The following IQCM variants were observed in gnomAD, a reference collection of about 807,000 sequenced individuals.
IQCM encodes IQ domain-containing protein M.
IQCM carries 45 observed loss-of-function variants against 57.6 expected under a neutral mutation model. The observed-to-expected ratio is 0.78, with a 90% CI of 0.62 to 1.00. IQCM has a LOEUF of 1.00. Among genes scored for constraint, IQCM ranks in the 50% least tolerant of loss-of-function variants. The probability of loss-of-function intolerance (pLI) is 0.00; values close to 1 mark genes in which losing one functional copy is unlikely to be tolerated. For synonymous variants in IQCM, 148 were observed against 158.9 expected (o/e 0.93, Z 0.51); for missense variants, 468 against 511.6 (o/e 0.91, Z 0.82).
chr4:149,491,217 T>A (rs1296526127), intron 12 of IQCM, among the ~76,000 whole-genome samples: 3 of 152,106 alleles, frequency 2.0e-5, no homozygotes, highest in Admixed American at 6.6e-5. Flanking sequence ...TGTTTTGAAA[T>A]ACGTATACTT....
intron 7 of IQCM, among the ~76,000 whole-genome samples, chr4:149,643,974 A>G (rs1385058100): frequency 2.0e-5 from 3 of 152,142 alleles, no homozygotes; most frequent in Non-Finnish European, 4.4e-5. Flanking sequence ...TTAGTGATAA[A>G]GTGGTCTAAA....
chr4:149,721,728 A>C (rs1765465102), intron 5 of IQCM, among the ~76,000 whole-genome samples: 1 of 152,104 alleles, frequency 6.6e-6, no homozygotes, highest in Non-Finnish European at 1.5e-5. Context: ...TATCTTCGCA[A>C]TTGTGAATTG....
intron 12 of IQCM, among the ~76,000 whole-genome samples, chr4:149,527,669 G>A (rs1029499653): frequency 1.3e-5 from 2 of 152,172 alleles, no homozygotes; most frequent in Non-Finnish European, 2.9e-5. Flanking sequence ...ATTTACACAG[G>A]AGTTAATAAG....
chr4:149,671,815 T>C (rs964657000), intron 7 of IQCM, among the ~76,000 whole-genome samples: 8 of 152,200 alleles, frequency 5.3e-5, no homozygotes, highest in Admixed American at 2.0e-4. Context: ...TCCTGAGTTC[T>C]AGTTTGATTG....
In IQCM at chr4:149,563,881, AC is replaced by A; in HGVS notation, c.758del (p.Gly253ValfsTer20). On this transcript the variant is annotated frameshift_variant, in exon 10 of 14. Coordinates refer to ENST00000636793, the MANE Select transcript of IQCM (RefSeq NM_001363507.2). LOFTEE classifies it high-confidence loss of function. ...PEPKSQPRIK[G>X]TPNKTDKLDS... ...CAAGTTTATCAGTTTTATTTGGAGT[AC>A]CTTTTATCCTAAAAATAAAACAAAT... The A allele has an allele frequency of 8.2e-7, 1 of 1,223,030 alleles. No individual in the cohort carries two copies. The highest frequency in any genetic ancestry group is 1.0e-6 in the Non-Finnish European group (1 of 979,800). 75.8% of individuals were successfully genotyped at this position (1,223,030 alleles called of 1,614,324 possible).
chr4:149,539,312 T>C (rs1381403207), intron 12 of IQCM, among the ~76,000 whole-genome samples: 4 of 152,152 alleles, frequency 2.6e-5, no homozygotes, highest in Admixed American at 1.3e-4. Context: ...AGACTACATA[T>C]TGCATGATTC....
intron 5 of IQCM, among the ~76,000 whole-genome samples, chr4:149,690,335 ACAT>A (rs1334461191): frequency 1.3e-5 from 2 of 152,078 alleles, no homozygotes; most frequent in Non-Finnish European, 2.9e-5. Flanking sequence ...GGAAAACCAA[ACAT>A]CATATGTTCT....
chr4:149,422,003 A>C (rs915545856), intron 13 of IQCM, among the ~76,000 whole-genome samples: 1 of 152,010 alleles, frequency 6.6e-6, no homozygotes, highest in Admixed American at 6.6e-5. Context: ...CAAATGTTCT[A>C]ATTTAACTGA....
intron 12 of IQCM, among the ~76,000 whole-genome samples, chr4:149,438,309 C>T (rs896007956): frequency 6.6e-6 from 1 of 151,744 alleles, no homozygotes; most frequent in Non-Finnish European, 1.5e-5. Flanking sequence ...TATGCATTCA[C>T]AATGAATTAG....
intron 3 of IQCM, chr4:149,737,626 G>A (rs951061487): frequency 3.9e-5 from 6 of 152,154 alleles, no homozygotes; most frequent in Non-Finnish European, 8.8e-5. Context: ...AGGGTAATGA[G>A]GTCCTGAGGA....
intron 13 of IQCM, among the ~76,000 whole-genome samples, chr4:149,420,600 C>A (rs1395440681): frequency 2.0e-5 from 3 of 151,860 alleles, no homozygotes; most frequent in Non-Finnish European, 4.4e-5. Flanking sequence ...GTGTAACAAA[C>A]CTGCACATCC....
At chr4:149,445,843 T>C (rs1423884280) in intron 12 of IQCM, among the ~76,000 whole-genome samples, 2 of 151,772 alleles carry the variant, frequency 1.3e-5, no homozygotes, top group East Asian at 3.9e-4. Context: ...AGGAATATCA[T>C]TTTTTCCCTG....
intron 2 of IQCM, among the ~76,000 whole-genome samples, chr4:149,796,159 C>T (rs1773093917): frequency 6.6e-6 from 1 of 152,150 alleles, no homozygotes; most frequent in Non-Finnish European, 1.5e-5. Context: ...TGGACCTGCC[C>T]TGGGGACAGA....
At chr4:149,508,482 A>G (rs1235117905) in intron 12 of IQCM, among the ~76,000 whole-genome samples, 1 of 152,152 alleles carries the variant, frequency 6.6e-6, no homozygotes, top group African/African-American at 2.4e-5. Context: ...AAAGGAGATC[A>G]TTTTGGAGGT....
chr4:149,413,809 C>A (rs1733558476), intron 13 of IQCM, among the ~76,000 whole-genome samples: 1 of 152,114 alleles, frequency 6.6e-6, no homozygotes, highest in Non-Finnish European at 1.5e-5. Context: ...ACATTAAATT[C>A]TCCTTACAGA....
At chr4:149,617,489 T>C (rs1016378263) in intron 8 of IQCM, among the ~76,000 whole-genome samples, 1 of 152,162 alleles carries the variant, frequency 6.6e-6, no homozygotes, top group African/African-American at 2.4e-5. Context: ...ACCATGTAGT[T>C]GGTACACAAG....
chr4:149,594,215 T>C (rs1242309040), intron 8 of IQCM, among the ~76,000 whole-genome samples: 2 of 152,194 alleles, frequency 1.3e-5, no homozygotes, highest in African/African-American at 4.8e-5. Context: ...AATTTATCCA[T>C]TTCTTCTCGA....
chr4:149,470,057 T>A (rs1739338532), intron 12 of IQCM, among the ~76,000 whole-genome samples: 1 of 152,136 alleles, frequency 6.6e-6, no homozygotes, highest in African/African-American at 2.4e-5. Context: ...AGGAAGAAAC[T>A]GCATCAACTA....
intron 12 of IQCM, among the ~76,000 whole-genome samples, chr4:149,447,759 T>G (rs1736676213): frequency 6.6e-6 from 1 of 151,512 alleles, no homozygotes; most frequent in South Asian, 2.1e-4. Flanking sequence ...TAAATTAAAA[T>G]TATAAGCTCA....
Sources: allele counts gnomAD v4.1 joint callset (sites outside exome capture counted in the v4.1 genomes callset), GRCh38; gene constraint gnomAD v4.1.1; transcripts MANE v1.5; gene names NCBI Gene and HGNC (gene_info 2026-07-23, HGNC 2026-07-21).